The following PDE2A variants were observed in gnomAD, a reference collection of about 807,000 sequenced individuals.
PDE2A encodes the protein cGMP-dependent 3',5'-cyclic phosphodiesterase.
Under a neutral mutation model 133.6 loss-of-function variants are expected in PDE2A, and 53 were observed. That is an observed-to-expected ratio of 0.40 (90% CI 0.32 to 0.50). The LOEUF (loss-of-function observed/expected upper bound fraction) is 0.50, where lower values mean the gene tolerates loss of function less well. Among genes scored for constraint, PDE2A ranks in the 20% least tolerant of loss-of-function variants. The pLI is 0.73. For synonymous variants in PDE2A, 491 were observed against 490.2 expected (o/e 1.00, Z -0.02); for missense variants, 796 against 1,232.4 (o/e 0.65, Z 5.30).
rs761590260 is a variant in PDE2A at position 72,580,983 on chromosome 11, A to G, written c.2046-10T>C. On this transcript the variant is annotated splice_polypyrimidine_tract_variant and intron_variant, in intron 23 of 30. Transcript: ENST00000334456. ...AAAGATCTCGATGTCCCTGGTTGAG[A>G]GGCAGAAAGGAGAAAAAAAAGAGGT... The G allele has an allele frequency of 5.6e-6, 9 of 1,594,044 alleles. No homozygotes were observed. Among genetic ancestry groups the G allele is most frequent in the South Asian group, 1.1e-5 (1 of 90,694 alleles).
chr11:72,646,702 C>A (rs920294780), intron 1 of PDE2A, among the ~76,000 whole-genome samples: 1 of 152,202 alleles, frequency 6.6e-6, no homozygotes, highest in Admixed American at 6.5e-5. Context: ...TCTCCTACCA[C>A]TTCCCGTCCA....
chr11:72,578,181 C>A lies in PDE2A; in HGVS notation c.2615+52G>T. ...CTGTGTTTCCTGTGATGTCCCCACTCCAGCCTACCCTCTCTGTGCAGGGTG... is the reference window on the plus strand; with the variant it reads ...CTGTGTTTCCTGTGATGTCCCCACTACAGCCTACCCTCTCTGTGCAGGGTG... On this transcript the variant is annotated intron_variant, in intron 30 of 30. Coordinates refer to ENST00000334456, the MANE Select transcript of PDE2A (RefSeq NM_002599.5). The surrounding 1 kb of genome is among the most constrained non-coding windows in gnomAD (Gnocchi z 4.2). 1 of 1,182,976 alleles carries A rather than the reference C, an allele frequency of 8.5e-7. No individual in the cohort carries two copies. Among genetic ancestry groups the A allele is most frequent in the South Asian group, 1.2e-5 (1 of 82,356 alleles). The allele number at this position is 1,182,976 out of a possible 1,614,324, so 73.3% of individuals were successfully genotyped here.
At chr11:72,643,785 T>C (rs894717333) in intron 1 of PDE2A, among the ~76,000 whole-genome samples, 2 of 152,180 alleles carry the variant, frequency 1.3e-5, no homozygotes, top group South Asian at 4.1e-4. Flanking sequence ...CACATAGCCT[T>C]GGCAGAGCCC....
At chr11:72,586,231 C>T in intron 13 of PDE2A, 50 bp from the exon 14 acceptor site, 1 of 1,044,808 alleles carries the variant, frequency 9.6e-7, no homozygotes, top group Non-Finnish European at 1.5e-6. Context: ...ACTGGCTTCT[C>T]TCCCCACTCT....
Position 72,585,298 on chromosome 11 carries a change from G to T in PDE2A, c.1286+73C>A, listed in dbSNP as rs1340736896. ...GAAGGCAGAGAAAGGGAAGTGGGTGGGGCAGGAAAGGAGATGATGGGGACT... is the reference window on the plus strand; with the variant it reads ...GAAGGCAGAGAAAGGGAAGTGGGTGTGGCAGGAAAGGAGATGATGGGGACT... On this transcript the variant is annotated intron_variant, in intron 16 of 30. Coordinates refer to ENST00000334456, the MANE Select transcript of PDE2A (RefSeq NM_002599.5). The T allele has an allele frequency of 9.6e-6, 12 of 1,243,892 alleles. No homozygotes were observed. In the Admixed American group the frequency reaches 2.0e-4, roughly 20 times the overall value. The allele number at this position is 1,243,892 out of a possible 1,614,324, so 77.1% of individuals were successfully genotyped here. A position where few individuals can be genotyped will look rare whatever the true frequency, so the allele number is the denominator to read the frequency against.
chr11:72,590,488 C>A lies in PDE2A; in HGVS notation c.642G>T (p.Ala214=). 6.5e-7 allele frequency: 1 copy of A among 1,526,924 alleles called. No individual in the cohort carries two copies. The allele number at this position is 1,526,924 out of a possible 1,614,324, so 94.6% of individuals were successfully genotyped here. The change falls in exon 8 of 31, where the codon GCG becomes GCT. Residue 214 remains alanine (A), a synonymous_variant. Transcript: ENST00000334456. This position sits in a 1 kb window ranked among gnomAD's most constrained non-coding sequence, Gnocchi z 4.8. ...RAVQNPPEGT[A]EDQKGGAAYT... is the part of the protein sequence containing the mutation. ...ACGCCGCCCCGCCCTTCTGGTCTTC[C>A]GCCGTCCCCTCCGGGGGGTTCTGGA...
chr11:72,664,364 A>ATTTTTTTTTTTTTTTTTTTTTTTTTTT lies in PDE2A; in HGVS notation c.71+9746_71+9772dup, dbSNP rs34217943. ...CAAAATAGGGCTAGCCCCTTGAAGG[A>ATTTTTTTTTTTTTTTTTTTTTTTTTTT]TTTTTTTTTTTTTTTTTTTTTTTTT... On this transcript the variant is annotated intron_variant, in intron 1 of 30. Transcript: ENST00000334456. Among the ~76,000 whole-genome samples, 3 of 70,076 alleles carry ATTTTTTTTTTTTTTTTTTTTTTTTTTT rather than the reference A, an allele frequency of 4.3e-5. 1 individual carries two copies. The highest frequency in any genetic ancestry group is 1.8e-4 in the African/African-American group (3 of 16,554). 46.0% of individuals were successfully genotyped at this position (70,076 alleles called of 152,430 possible). A position where few individuals can be genotyped will look rare whatever the true frequency, so the allele number is the denominator to read the frequency against.
intron 1 of PDE2A, among the ~76,000 whole-genome samples, chr11:72,672,405 C>T (rs1855405387): frequency 6.6e-6 from 1 of 152,198 alleles, no homozygotes; most frequent in African/African-American, 2.4e-5. Flanking sequence ...AGTCTCGTCT[C>T]AAACTCCTGG....
chr11:72,585,857 A>C (rs10751208), intron 14 of PDE2A, among the ~76,000 whole-genome samples: 2 of 152,152 alleles, frequency 1.3e-5, no homozygotes, highest in Non-Finnish European at 2.9e-5. Flanking sequence ...GTAGTGCCCA[A>C]ATTGAACACT....
Position 72,577,343 on chromosome 11 carries a change from T to C in PDE2A, c.*41A>G. On this transcript the variant is annotated 3_prime_UTR_variant, in exon 31 of 31. Coordinates refer to ENST00000334456, the MANE Select transcript of PDE2A (RefSeq NM_002599.5). ...GCATCTGGCCAGACCAGTGGAGGGC[T>C]GTGGGAGGTGGCCTGGGCAGGGAAG... 1 of 1,488,696 alleles carries C rather than the reference T, an allele frequency of 6.7e-7. No homozygotes were observed. Among genetic ancestry groups the C allele is most frequent in the South Asian group, 1.2e-5 (1 of 85,424 alleles). 92.2% of individuals were successfully genotyped at this position (1,488,696 alleles called of 1,614,324 possible). A position where few individuals can be genotyped will look rare whatever the true frequency, so the allele number is the denominator to read the frequency against.
chr11:72,583,533 A>G lies in PDE2A; in HGVS notation c.1651-18T>C, dbSNP rs1382938674. ...AGGAGAGACTAGGGGAAAGAGGGAA[A>G]GATGGGGCTCAAGGAAGGTGGCTGT... On this transcript the variant is annotated intron_variant, in intron 19 of 30. Transcript: ENST00000334456. 1.3e-6 allele frequency: 2 copies of G among 1,558,758 alleles called. No individual in the cohort carries two copies. The highest frequency in any genetic ancestry group is 1.8e-6 in the Non-Finnish European group (2 of 1,129,732).
chr11:72,579,606 C>T lies in PDE2A; in HGVS notation c.2184G>A (p.Arg728=), dbSNP rs1381330066. The change falls in exon 26 of 31, where the codon AGG becomes AGA. Residue 728 remains arginine, a splice_region_variant and synonymous_variant. Coordinates refer to ENST00000334456, the MANE Select transcript of PDE2A (RefSeq NM_002599.5). ...TGGCGATGGCCTGAGCAAAGTGGTG[C>T]CTCTGGGGGGAGAGGAGTGATGGGG... ...LYSSEGSVME[R]HHFAQAIAIL... 1 of 1,597,436 alleles carries T rather than the reference C, an allele frequency of 6.3e-7. No homozygotes were observed. Among genetic ancestry groups the T allele is most frequent in the Admixed American group, 1.7e-5 (1 of 59,500 alleles).
chr11:72,666,807 T>C (rs574717550), intron 1 of PDE2A, among the ~76,000 whole-genome samples: 1 of 152,294 alleles, frequency 6.6e-6, no homozygotes, highest in Non-Finnish European at 1.5e-5. Context: ...AAATCAGACA[T>C]AAAGATGGAC....
chr11:72,673,222 A>G (rs1392219892), intron 1 of PDE2A, among the ~76,000 whole-genome samples: 2 of 152,132 alleles, frequency 1.3e-5, no homozygotes, highest in Non-Finnish European at 2.9e-5. Context: ...CCTAATAGAC[A>G]CACCTACATA....
intron 2 of PDE2A, among the ~76,000 whole-genome samples, chr11:72,619,193 G>A (rs1057374797): frequency 2.0e-5 from 3 of 151,998 alleles, no homozygotes; most frequent in East Asian, 1.9e-4. Context: ...CCAGACCCTC[G>A]GACCCTCTAT....
Position 72,674,226 on chromosome 11 carries a change from TC to T in PDE2A, c.-20del. ...GCCCCATCACTCCTCATCGTCCGCC[TC>T]CCCAGCCAGACTAAGGTGGCACCTC... On this transcript the variant is annotated 5_prime_UTR_variant, in exon 1 of 31. Transcript: ENST00000334456. 1.2e-6 allele frequency: 2 copies of T among 1,603,060 alleles called. No homozygotes were observed.
intron 20 of PDE2A, among the ~76,000 whole-genome samples, 186 bp from the exon 21 acceptor site, chr11:72,582,752 G>A (rs868824261): frequency 6.6e-6 from 1 of 152,080 alleles, no homozygotes; most frequent in Non-Finnish European, 1.5e-5. Context: ...CCCACCCCGC[G>A]CGCCTCCCTG....
chr11:72,624,865 T>C (rs1471888276), intron 2 of PDE2A, among the ~76,000 whole-genome samples: 1 of 152,214 alleles, frequency 6.6e-6, no homozygotes, highest in Non-Finnish European at 1.5e-5. Context: ...CCTATGATCA[T>C]GGTCACGTAC....
At chr11:72,641,893 G>A (rs558639079) in intron 2 of PDE2A, among the ~76,000 whole-genome samples, 14 of 152,196 alleles carry the variant, frequency 9.2e-5, no homozygotes, top group South Asian at 2.1e-4. Flanking sequence ...CAGGTGTGCC[G>A]GGAGCCCCAC....
Sources: allele counts gnomAD v4.1 joint callset (sites outside exome capture counted in the v4.1 genomes callset), GRCh38; gene constraint gnomAD v4.1.1; non-coding constraint Gnocchi (gnomAD v3.1); transcripts MANE v1.5; gene names NCBI Gene and HGNC (gene_info 2026-07-23, HGNC 2026-07-21).